IGSF23: variants seen among roughly 807,000 people sequenced by gnomAD.
The protein encoded by IGSF23 is immunoglobulin superfamily, member 23.
Under a neutral mutation model 17.8 loss-of-function variants are expected in IGSF23, and 14 were observed. That is an observed-to-expected ratio of 0.79 (90% CI 0.52 to 1.23). The LOEUF is 1.23. Ranked by LOEUF, IGSF23 falls within the 50% of genes most tolerant of loss-of-function variation. IGSF23 has a pLI of 0.00. For synonymous variants in IGSF23, 85 were observed against 92.5 expected, an observed-to-expected ratio of 0.92 and a Z score of 0.46; for missense variants, 214 against 241.7, an observed-to-expected ratio of 0.89 and a Z score of 0.76.
At chr19:44,619,674 G>C (rs778720466) in intron 1 of IGSF23, among the ~76,000 whole-genome samples, 1 of 152,244 alleles carries the variant, frequency 6.6e-6, no homozygotes, top group Non-Finnish European at 1.5e-5. Flanking sequence ...TTGCGGAAGG[G>C]TGCCTTCTCA....
intron 1 of IGSF23, among the ~76,000 whole-genome samples, chr19:44,622,960 C>T (rs1972553285): frequency 6.6e-6 from 1 of 152,172 alleles, no homozygotes; most frequent in Non-Finnish European, 1.5e-5. Flanking sequence ...GGGTTTACCC[C>T]ACCCCCAGTC....
chr19:44,616,831 A>G (rs1972390220), intron 1 of IGSF23, among the ~76,000 whole-genome samples: 1 of 151,134 alleles, frequency 6.6e-6, no homozygotes, highest in Non-Finnish European at 1.5e-5. Flanking sequence ...ATGGAAATAA[A>G]TAAATATATA....
chr19:44,631,182 G>A (rs547884477), intron 3 of IGSF23, among the ~76,000 whole-genome samples: 80 of 152,210 alleles, frequency 5.3e-4, no homozygotes, highest in African/African-American at 1.8e-3. Flanking sequence ...TGGGAGGATC[G>A]TTTGAGTCTG....
At chr19:44,616,179 T>A (rs2123713287) in intron 1 of IGSF23, among the ~76,000 whole-genome samples, 1 of 152,278 alleles carries the variant, frequency 6.6e-6, no homozygotes, top group Non-Finnish European at 1.5e-5. Context: ...GTCTACTTTT[T>A]TTTCCTAAGG....
chr19:44,619,383 C>T (rs1972460382), intron 1 of IGSF23, among the ~76,000 whole-genome samples: 1 of 152,186 alleles, frequency 6.6e-6, no homozygotes, highest in South Asian at 2.1e-4. Flanking sequence ...CATTCATCAT[C>T]ACTTGGGAAA....
At chr19:44,615,960 C>T (rs1283602087) in intron 1 of IGSF23, among the ~76,000 whole-genome samples, 1 of 152,180 alleles carries the variant, frequency 6.6e-6, no homozygotes, top group African/African-American at 2.4e-5. Context: ...GATAAAACAG[C>T]AACCAGTTTT....
rs11344283 is a variant in IGSF23, at chr19:44,629,632, C to CTTT, written c.545+2077_545+2079dup. Among the ~76,000 whole-genome samples, 236 of 114,108 alleles carry CTTT rather than the reference C, an allele frequency of 2.1e-3. 4 individuals carry two copies. Among genetic ancestry groups the CTTT allele is most frequent in the East Asian group, 0.016 (62 of 3,846 alleles). 74.9% of individuals were successfully genotyped at this position (114,108 alleles called of 152,430 possible). A position where few individuals can be genotyped will look rare whatever the true frequency, so the allele number is the denominator to read the frequency against. ...GTATTGAGCACCTATTATATGCTTT[C>CTTT]TTTTTTTTTTTTTTTTTTTTGAGAC... On this transcript the variant is annotated intron_variant, in intron 3 of 4. Coordinates refer to ENST00000402988, the MANE Select transcript of IGSF23 (RefSeq NM_001205280.2).
Position 44,633,980 on chromosome 19 carries a change from T to C in IGSF23, c.546-1421T>C, listed in dbSNP as rs139558414. ...AATCAATGACTCCTGTATGTGTTTG[T>C]ACCCCTTTTAAACTTAAACTAGACC... On this transcript the variant is annotated intron_variant, in intron 3 of 4. Transcript: ENST00000402988. 3.2e-3 allele frequency among the ~76,000 whole-genome samples: 490 copies of C among 152,352 alleles called. 4 individuals are homozygous for C. Among genetic ancestry groups the C allele is most frequent in the African/African-American group, 0.011 (450 of 41,586 alleles).
intron 2 of IGSF23, 35 bp downstream of exon 2, chr19:44,624,007 C>A: frequency 6.6e-7 from 1 of 1,513,396 alleles, no homozygotes; most frequent in Non-Finnish European, 8.9e-7. Flanking sequence ...CCACCCCACC[C>A]AAGAGCCCTG....
chr19:44,615,167 T>C (rs941293642), intron 1 of IGSF23, among the ~76,000 whole-genome samples: 12 of 151,918 alleles, frequency 7.9e-5, no homozygotes, highest in Non-Finnish European at 1.3e-4. Flanking sequence ...CGGGCGCCTG[T>C]AGTCCCAGCT....
intron 3 of IGSF23, among the ~76,000 whole-genome samples, chr19:44,629,639 T>C (rs976546585): frequency 6.8e-6 from 1 of 147,254 alleles, no homozygotes; most frequent in Non-Finnish European, 1.5e-5. Context: ...TTTCTTTTTT[T>C]TTTTTTTTTT....
chr19:44,625,897 G>T (rs1332118022), intron 2 of IGSF23, among the ~76,000 whole-genome samples: 2 of 152,144 alleles, frequency 1.3e-5, no homozygotes, highest in African/African-American at 4.8e-5. Flanking sequence ...CAGTTCCCCT[G>T]CACACATTCT....
At chr19:44,635,350 C>T in intron 3 of IGSF23, 51 bp from the exon 4 acceptor site, 1 of 125,460 alleles carries the variant, frequency 8.0e-6, no homozygotes, top group East Asian at 1.9e-4. Flanking sequence ...GATTCTTATT[C>T]TCTCTCTCTC....
chr19:44,636,233 T>C lies in IGSF23; in HGVS notation c.*32-186T>C, dbSNP rs1218031393. 2.6e-5 allele frequency among the ~76,000 whole-genome samples: 4 copies of C among 152,134 alleles called. No homozygotes were observed. In the East Asian group the frequency reaches 7.7e-4, roughly 29 times the overall value. On this transcript the variant is annotated intron_variant, in intron 4 of 4. Transcript: ENST00000402988. ...TGGCCAAATTCAAGGGATGGGGAAG[T>C]TGACTCCACCTCTTGCTAAGAAGGG...
chr19:44,615,206 G>A (rs929615154), intron 1 of IGSF23, among the ~76,000 whole-genome samples: 4 of 151,748 alleles, frequency 2.6e-5, no homozygotes, highest in African/African-American at 9.7e-5. Context: ...GGAGAATGGC[G>A]TGAACCCGGG....
chr19:44,631,730 A>T (rs1383590577), intron 3 of IGSF23, among the ~76,000 whole-genome samples: 1 of 152,256 alleles, frequency 6.6e-6, no homozygotes, highest in Admixed American at 6.5e-5. Context: ...GGGCTGAAAT[A>T]AAGGCATGGG....
At chr19:44,613,815 G>A (rs1972305494) in intron 1 of IGSF23, 45 bp downstream of exon 1, 3 of 1,549,018 alleles carry the variant, frequency 1.9e-6, no homozygotes, top group Non-Finnish European at 2.6e-6. Context: ...TGGTCATCGT[G>A]AGCAGGGTCC....
At chr19:44,624,236 T>C (rs1972588119) in intron 2 of IGSF23, among the ~76,000 whole-genome samples, 1 of 151,204 alleles carries the variant, frequency 6.6e-6, no homozygotes, top group Non-Finnish European at 1.5e-5. Context: ...CTCCTCCTCC[T>C]CCTCCTTCTT....
rs1972870115 is a variant in IGSF23 at position 44,635,463 on chromosome 19, G to C, written c.*29G>C. The C allele has an allele frequency of 6.5e-7, 1 of 1,547,370 alleles. No homozygotes were observed. The highest frequency in any genetic ancestry group is 8.7e-7 in the Non-Finnish European group (1 of 1,144,760). On this transcript the variant is annotated splice_region_variant and 3_prime_UTR_variant, in exon 4 of 5. Coordinates refer to ENST00000402988, the MANE Select transcript of IGSF23 (RefSeq NM_001205280.2). ...GTGGGCAACTCTCCTGTCAGCTGAA[G>C]AGGTAATACCAGGAAGGGTGTGAAG...
Sources: gnomAD v4.1 joint callset for allele counts (sites outside exome capture counted in the v4.1 genomes callset) on GRCh38, gnomAD v4.1.1 for gene constraint, MANE v1.5 for transcripts, NCBI Gene and HGNC (gene_info 2026-07-23, HGNC 2026-07-21) for gene names.